Variants in MID2 observed in about 807,000 individuals in gnomAD.
The protein encoded by MID2 is probable E3 ubiquitin-protein ligase MID2.
MID2 carries 13 observed loss-of-function variants against 46.1 expected under a neutral mutation model. That is an observed-to-expected ratio of 0.28 (90% CI 0.18 to 0.45). The LOEUF (loss-of-function observed/expected upper bound fraction) is 0.45. Ranked by LOEUF, MID2 falls within the 20% of genes least tolerant of loss-of-function variation. MID2 has a pLI of 1.00. For missense variants in MID2, 431 were observed against 575.4 expected, an observed-to-expected ratio of 0.75 and a Z score of 2.57; for synonymous variants, 199 against 212.3, an observed-to-expected ratio of 0.94 and a Z score of 0.55.
At chrX:107,879,788 T>C (rs1308719258) in intron 3 of MID2, among the ~76,000 whole-genome samples, 1 of 111,194 alleles carries the variant, frequency 9.0e-6, no homozygotes, top group Non-Finnish European at 1.9e-5. Flanking sequence ...TTTATTCTTA[T>C]TTTACAGGAT....
intron 3 of MID2, among the ~76,000 whole-genome samples, chrX:107,903,196 C>T (rs1932808255): frequency 9.0e-6 from 1 of 111,602 alleles, no homozygotes; most frequent in Non-Finnish European, 1.9e-5. Flanking sequence ...TCCTGTTATA[C>T]TTGGGCAGCC....
At chrX:107,911,016 G>A (rs768309012) in intron 5 of MID2, among the ~76,000 whole-genome samples, 1 of 104,379 alleles carries the variant, frequency 9.6e-6, no homozygotes, top group South Asian at 4.6e-4. Context: ...ATTACGCCCG[G>A]CTAATTTTGG....
At chrX:107,890,711 C>CA (rs897120049) in intron 3 of MID2, among the ~76,000 whole-genome samples, 2 of 111,974 alleles carry the variant, frequency 1.8e-5, no homozygotes, top group African/African-American at 6.5e-5. Flanking sequence ...GCCCTGCCCC[C>CA]AGAGATGGAG....
At chrX:107,833,429 A>ATATAT (rs1460261729) in intron 1 of MID2, among the ~76,000 whole-genome samples, 1 of 104,419 alleles carries the variant, frequency 9.6e-6, no homozygotes, top group Admixed American at 1.0e-4. Context: ...ATATATATAT[A>ATATAT]TTTTTTTTAA....
chrX:107,853,484 G>C (rs1056143506), intron 2 of MID2, among the ~76,000 whole-genome samples: 8 of 110,467 alleles, frequency 7.2e-5, no homozygotes, highest in African/African-American at 2.6e-4. Context: ...ATTTTTTGTT[G>C]AGATGTGGTT....
intron 7 of MID2, 119 bp from the exon 8 acceptor site, chrX:107,924,224 C>T: frequency 1.4e-6 from 1 of 696,343 alleles, no homozygotes; most frequent in Non-Finnish European, 2.2e-6. Context: ...TTCTAAGACT[C>T]AAAAGAAAAC....
intron 2 of MID2, among the ~76,000 whole-genome samples, chrX:107,842,792 G>C (rs1170206584): frequency 8.9e-6 from 1 of 111,933 alleles, no homozygotes; most frequent in Non-Finnish European, 1.9e-5. Flanking sequence ...TCAGTTCTTA[G>C]ACTCATAAGA....
chrX:107,834,560 T>C (rs1400824137), intron 1 of MID2, among the ~76,000 whole-genome samples: 1 of 112,057 alleles, frequency 8.9e-6, no homozygotes, highest in Admixed American at 9.5e-5. Flanking sequence ...TCATGCCACT[T>C]CCTCCTGCTA....
rs766138149 is a variant in MID2 at position 107,854,722 on chromosome X, T to C, written c.816+18T>C. On this transcript the variant is annotated intron_variant, in intron 3 of 9. Transcript: ENST00000262843. ...AGGTTGAGGTATGTAACAGAAACAT[T>C]TGTGATTTTTCAGAGGACCTGAAAT... The C allele has an allele frequency of 8.7e-7, 1 of 1,155,445 alleles. No individual in the cohort carries two copies. Among genetic ancestry groups the C allele is most frequent in the African/African-American group, 1.8e-5 (1 of 56,205 alleles).
intron 1 of MID2, among the ~76,000 whole-genome samples, chrX:107,840,305 T>C (rs1372134305): frequency 1.8e-5 from 2 of 111,832 alleles, no homozygotes; most frequent in Non-Finnish European, 3.8e-5. Context: ...AGAATAGAGA[T>C]TGGGAATTTT....
rs544903416 is a variant in MID2 at position 107,829,805 on chromosome X, G to A, written c.4+3375G>A. On this transcript the variant is annotated intron_variant, in intron 1 of 9. Transcript: ENST00000262843. ...TGTTTTCATGACTACTAGAATTCTC[G>A]TCTGGCATGTTGCACCCTGCAAGGC... Among the ~76,000 whole-genome samples, 18 of 111,935 alleles carry A rather than the reference G, an allele frequency of 1.6e-4. No homozygotes were observed. The South Asian group carries it at 6.0e-3, about 37-fold the overall frequency.
chrX:107,890,759 G>A (rs1932581033), intron 3 of MID2, among the ~76,000 whole-genome samples: 1 of 111,656 alleles, frequency 9.0e-6, no homozygotes, highest in Non-Finnish European at 1.9e-5. Context: ...GCTGCGGTGG[G>A]CTCCACCCAG....
chrX:107,905,445 A>G, intron 4 of MID2, 33 bp from the exon 5 acceptor site: 1 of 1,143,181 alleles, frequency 8.7e-7, no homozygotes, highest in Non-Finnish European at 1.2e-6. Context: ...TGCATGTTTT[A>G]TCTTATTTTT....
At chrX:107,848,726 G>A (rs762860249) in intron 2 of MID2, among the ~76,000 whole-genome samples, 2 of 111,885 alleles carry the variant, frequency 1.8e-5, no homozygotes, top group East Asian at 5.6e-4. Context: ...AAGGGTGTGG[G>A]CTTCAGTTTG....
At chrX:107,848,436 C>T (rs1310657227) in intron 2 of MID2, among the ~76,000 whole-genome samples, 4 of 110,707 alleles carry the variant, frequency 3.6e-5, no homozygotes, top group Non-Finnish European at 7.6e-5. Flanking sequence ...ATGCTATGCA[C>T]CTGAAGATGG....
At chrX:107,880,400 G>C (rs1278725112) in intron 3 of MID2, among the ~76,000 whole-genome samples, 2 of 111,512 alleles carry the variant, frequency 1.8e-5, no homozygotes, top group Non-Finnish European at 3.8e-5. Flanking sequence ...GAGATTACTA[G>C]AATGAGTCAC....
chrX:107,921,873 C>T (rs1933080090), intron 7 of MID2, among the ~76,000 whole-genome samples: 1 of 110,863 alleles, frequency 9.0e-6, no homozygotes, highest in African/African-American at 3.3e-5. Flanking sequence ...ATGTTCTAGG[C>T]TCATTTTGAC....
intron 3 of MID2, among the ~76,000 whole-genome samples, chrX:107,890,406 A>G (rs1414372507): frequency 8.9e-6 from 1 of 112,083 alleles, no homozygotes; most frequent in Non-Finnish European, 1.9e-5. Flanking sequence ...TTGCCTGGGT[A>G]TCAGCAGCAG....
intron 2 of MID2, among the ~76,000 whole-genome samples, chrX:107,852,913 A>C (rs1427396721): frequency 9.0e-6 from 1 of 111,698 alleles, no homozygotes; most frequent in Non-Finnish European, 1.9e-5. Context: ...GCAGCGTAGC[A>C]CTTAACATGA....
Sources: allele counts gnomAD v4.1 joint callset (sites outside exome capture counted in the v4.1 genomes callset), GRCh38; gene constraint gnomAD v4.1.1; transcripts MANE v1.5; gene names NCBI Gene and HGNC (gene_info 2026-07-23, HGNC 2026-07-21).